Variants in QRFPR observed in about 807,000 individuals in gnomAD.
The protein encoded by QRFPR is pyroglutamylated RF-amide peptide receptor.
QRFPR carries 37 observed loss-of-function variants against 31.3 expected under a neutral mutation model. That is an observed-to-expected ratio of 1.18 (90% CI 0.91 to 1.56). QRFPR has a LOEUF of 1.56. Among genes scored for constraint, QRFPR ranks in the 40% most tolerant of loss-of-function variants. The probability of loss-of-function intolerance (pLI) is 0.00; values close to 1 mark genes in which losing one functional copy is unlikely to be tolerated. For missense variants in QRFPR, 542 were observed against 532.5 expected (o/e 1.02, Z -0.18); for synonymous variants, 197 against 192.0 (o/e 1.03, Z -0.22).
chr4:121,347,417 T>C (rs1725675789), intron 1 of QRFPR, among the ~76,000 whole-genome samples: 1 of 152,128 alleles, frequency 6.6e-6, no homozygotes, highest in African/African-American at 2.4e-5. Flanking sequence ...CCTTCTTGGG[T>C]AGATGGGCTA....
At chr4:121,343,184 A>T (rs1261366730) in intron 1 of QRFPR, among the ~76,000 whole-genome samples, 1 of 152,204 alleles carries the variant, frequency 6.6e-6, no homozygotes, top group African/African-American at 2.4e-5. Flanking sequence ...ACTGAAACTG[A>T]TGTTTACATC....
chr4:121,340,813 A>G (rs1024604042), intron 1 of QRFPR, among the ~76,000 whole-genome samples: 1 of 152,200 alleles, frequency 6.6e-6, no homozygotes, highest in African/African-American at 2.4e-5. Flanking sequence ...ATGTTCCTAA[A>G]TGCTATGCAA....
At position 121,378,405 on chromosome 4, in the gene QRFPR, C is replaced by T. The variant is rs558349671; in HGVS notation, c.340+1903G>A. On this transcript the variant is annotated intron_variant, in intron 1 of 5. Transcript: ENST00000394427. Reference sequence around the variant, plus strand: ...CTGGAGCTAAAGATCTGGCTCACTGCACTTTTTTTTTTTTTTTTTTTTTTT... The same window carrying T: ...CTGGAGCTAAAGATCTGGCTCACTGTACTTTTTTTTTTTTTTTTTTTTTTT... Among the ~76,000 whole-genome samples, 301 of 143,060 alleles carry T rather than the reference C, an allele frequency of 2.1e-3. No homozygotes were observed. The Middle Eastern group carries it at 0.031, about 15-fold the overall frequency. 93.9% of individuals were successfully genotyped at this position (143,060 alleles called of 152,430 possible). A position where few individuals can be genotyped will look rare whatever the true frequency, so the allele number is the denominator to read the frequency against.
At chr4:121,330,559 C>T in intron 4 of QRFPR, 36 bp from the exon 5 acceptor site, 1 of 1,507,332 alleles carries the variant, frequency 6.6e-7, no homozygotes, top group Non-Finnish European at 9.2e-7. Context: ...TAGTTAACTT[C>T]TCCTTGGCAA....
intron 1 of QRFPR, chr4:121,370,324 C>T (rs1461711674): frequency 2.6e-6 from 2 of 764,822 alleles, no homozygotes; most frequent in African/African-American, 1.7e-5. Flanking sequence ...AGAGCAGGCA[C>T]TTCTGGTTGT....
At chr4:121,351,843 TAAAAA>T (rs11333384) in intron 1 of QRFPR, among the ~76,000 whole-genome samples, 1 of 146,068 alleles carries the variant, frequency 6.8e-6, no homozygotes, top group Non-Finnish European at 1.5e-5. Context: ...TAAAGTAATG[TAAAAA>T]AAAAAAAAGA....
rs753093066 is a variant in QRFPR, at chr4:121,332,915, T to C, written c.703A>G (p.Ser235Gly). The change falls in exon 4 of 6, where the codon AGT becomes GGT. Residue 235 changes from serine (S) to glycine (G), a missense_variant. Ser to Gly is a moderately conservative substitution (Grantham distance 56). Transcript: ENST00000394427. ...LPLMVMLILY[S>G]KIGYELWIKK... ...ATCCAAAGTTCATAACCAATTTTAC[T>C]GTACAGAATAAGCATCACCATAAGA... 1.9e-6 allele frequency: 3 copies of C among 1,614,010 alleles called. No individual in the cohort carries two copies. The highest frequency in any genetic ancestry group is 2.5e-6 in the Non-Finnish European group (3 of 1,179,984).
chr4:121,355,184 T>C lies in QRFPR; in HGVS notation c.341-14574A>G, dbSNP rs145091697. Among the ~76,000 whole-genome samples the C allele has an allele frequency of 1.2e-4, 19 of 152,216 alleles. No individual in the cohort carries two copies. In the East Asian group the frequency reaches 3.7e-3, roughly 29 times the overall value. ...TTAAGTGTTTGGTAGAATTCAGCAG[T>C]AAAGCCATCAGGTCCTAGACTTTTC... On this transcript the variant is annotated intron_variant, in intron 1 of 5. Coordinates refer to ENST00000394427, the MANE Select transcript of QRFPR (RefSeq NM_198179.3).
intron 1 of QRFPR, among the ~76,000 whole-genome samples, chr4:121,359,874 G>A (rs774465147): frequency 3.2e-4 from 49 of 151,490 alleles, no homozygotes; most frequent in African/African-American, 6.3e-4. Context: ...TGACTAATAC[G>A]GCTTATTATC....
At chr4:121,359,817 G>GTA (rs201376885) in intron 1 of QRFPR, among the ~76,000 whole-genome samples, 2,852 of 151,292 alleles carry the variant, frequency 0.019, 41 homozygotes, top group South Asian at 0.042. Flanking sequence ...GTGTGTGTGT[G>GTA]TATATATATA....
chr4:121,369,691 C>T (rs1579589862), intron 1 of QRFPR: 2 of 1,584,002 alleles, frequency 1.3e-6, no homozygotes, highest in Non-Finnish European at 1.7e-6. Context: ...ACTTATCTGA[C>T]AAGTTTCTGT....
At position 121,336,849 on chromosome 4, in the gene QRFPR, T is replaced by A. The variant is rs780508595; in HGVS notation, c.519A>T (p.Ala173=). ...GCCACATGGGTGATCCTACGATGAC[T>A]GCCACCAGCCAGACCACACCTGTAA... ...FTMLGVVWLV[A]VIVGSPMWHV... The change falls in exon 3 of 6, where the codon GCA becomes GCT. Residue 173 remains alanine, a synonymous_variant. Transcript: ENST00000394427. 18 of 1,613,988 alleles carry A rather than the reference T, an allele frequency of 1.1e-5. No individual in the cohort carries two copies. Among genetic ancestry groups the A allele is most frequent in the Non-Finnish European group, 1.4e-5 (17 of 1,179,950 alleles).
rs1463097959 is a variant in QRFPR at position 121,380,859 on chromosome 4, C to G, written c.-212G>C. On this transcript the variant is annotated 5_prime_UTR_variant, in exon 1 of 6. Coordinates refer to ENST00000394427, the MANE Select transcript of QRFPR (RefSeq NM_198179.3). ...AAACCCACGATAAAGAGGCGGGAAG[C>G]CAAAGCACTGGGAGACTCGATCTCA... 1.1e-5 allele frequency: 6 copies of G among 546,482 alleles called. No homozygotes were observed. Among genetic ancestry groups the G allele is most frequent in the South Asian group, 5.3e-5 (2 of 37,406 alleles). 33.9% of individuals were successfully genotyped at this position (546,482 alleles called of 1,614,324 possible).
chr4:121,346,687 C>G (rs953957037), intron 1 of QRFPR, among the ~76,000 whole-genome samples: 2 of 152,146 alleles, frequency 1.3e-5, no homozygotes, highest in Non-Finnish European at 2.9e-5. Context: ...TTGTAATGCT[C>G]TTATCAAATT....
rs70950816 is a variant in QRFPR, at chr4:121,380,186, G to GGAGAGAGAGAGAGAGA, written c.340+106_340+121dup. 6.5e-4 allele frequency: 153 copies of GGAGAGAGAGAGAGAGA among 236,182 alleles called. 6 individuals are homozygous for GGAGAGAGAGAGAGAGA. The highest frequency in any genetic ancestry group is 1.4e-3 in the Admixed American group (13 of 9,054). 14.6% of individuals were successfully genotyped at this position (236,182 alleles called of 1,614,324 possible). On this transcript the variant is annotated intron_variant, in intron 1 of 5. Transcript: ENST00000394427. ...GAGAGAGAGACAGACAGACGAGAGAGGAGAGAGAGAGAGAGAGAGAGAGAG... is the reference window on the plus strand; with the variant it reads ...GAGAGAGAGACAGACAGACGAGAGAGGAGAGAGAGAGAGAGAGAGAGAGAGAGAGAGAGAGAGAGAG...
chr4:121,333,320 G>A (rs1725371539), intron 3 of QRFPR, among the ~76,000 whole-genome samples: 1 of 152,042 alleles, frequency 6.6e-6, no homozygotes, highest in Non-Finnish European at 1.5e-5. Flanking sequence ...TTCATTTATT[G>A]TCTTTCTCAA....
chr4:121,359,713 GTGTA>G (rs1725947162), intron 1 of QRFPR, among the ~76,000 whole-genome samples: 1 of 149,824 alleles, frequency 6.7e-6, no homozygotes, highest in Non-Finnish European at 1.5e-5. Flanking sequence ...ATGTGTGTGT[GTGTA>G]TATATGTGTG....
chr4:121,331,625 T>C (rs1305285755), intron 4 of QRFPR, among the ~76,000 whole-genome samples: 1 of 52,400 alleles, frequency 1.9e-5, no homozygotes, highest in Non-Finnish European at 4.9e-5. Context: ...ATTATCTCAT[T>C]ATTATTATTA....
In QRFPR at chr4:121,329,528, C is replaced by T; in HGVS notation, c.1082G>A (p.Arg361Lys). 1 of 1,614,006 alleles carries T rather than the reference C, an allele frequency of 6.2e-7. No individual in the cohort carries two copies. The highest frequency in any genetic ancestry group is 8.5e-7 in the Non-Finnish European group (1 of 1,179,954). Reference protein sequence around the residue: ...IVNKTFSPAQRHGNSGITMMR... With the variant: ...IVNKTFSPAQKHGNSGITMMR... ...CATTGTAATTCCTGAATTTCCATGC[C>T]TTTGTGCTGGAGAGAAGGTTTTATT... Residue 361 changes from arginine (R) to lysine (K), a missense_variant, in exon 6 of 6, where the codon AGG becomes AAG. Coordinates refer to ENST00000394427, the MANE Select transcript of QRFPR (RefSeq NM_198179.3).
Sources: gnomAD v4.1 joint callset for allele counts (sites outside exome capture counted in the v4.1 genomes callset) on GRCh38, gnomAD v4.1.1 for gene constraint, MANE v1.5 for transcripts, NCBI Gene and HGNC (gene_info 2026-07-23, HGNC 2026-07-21) for gene names.